NCAM2: variants seen among roughly 807,000 people sequenced by gnomAD.
The protein encoded by NCAM2 is N-CAM-2.
NCAM2 carries 30 observed loss-of-function variants against 98.1 expected under a neutral mutation model. The ratio of observed to expected loss-of-function variants is 0.31; its 90% CI spans 0.23 to 0.41. NCAM2 has a LOEUF of 0.41. Ranked by LOEUF, NCAM2 falls within the 10% of genes least tolerant of loss-of-function variation. NCAM2 has a pLI of 1.00. For synonymous variants in NCAM2, 368 were observed against 342.4 expected (o/e 1.07, Z -0.83); for missense variants, 867 against 1,005.8 (o/e 0.86, Z 1.87).
intron 8 of NCAM2, among the ~76,000 whole-genome samples, chr21:21,367,267 T>C (rs2075810828): frequency 6.6e-6 from 1 of 151,996 alleles, no homozygotes; most frequent in African/African-American, 2.4e-5. Flanking sequence ...GGGGTACAAC[T>C]AAAGTTTTGT....
rs1990058478 is a variant in NCAM2 at position 21,537,743 on chromosome 21, A to G, written c.2403-103A>G. The G allele has an allele frequency of 1.5e-5, 8 of 518,356 alleles. No homozygotes were observed. The East Asian group carries it at 2.5e-4, about 16-fold the overall frequency. The allele number at this position is 518,356 out of a possible 1,614,324, so 32.1% of individuals were successfully genotyped here. A position where few individuals can be genotyped will look rare whatever the true frequency, so the allele number is the denominator to read the frequency against. ...TATTTAGCATATATAAAATGTTAGC[A>G]TATTATTGGAGCATATTTTCCTTAC... On this transcript the variant is annotated intron_variant, in intron 17 of 17. Transcript: ENST00000400546.
At chr21:21,383,453 A>T (rs1453295343) in intron 9 of NCAM2, among the ~76,000 whole-genome samples, 1 of 152,182 alleles carries the variant, frequency 6.6e-6, no homozygotes, top group Non-Finnish European at 1.5e-5. Flanking sequence ...AGTTACCACG[A>T]TCACTTTGAA....
intron 12 of NCAM2, among the ~76,000 whole-genome samples, chr21:21,455,938 A>G (rs1982077228): frequency 6.6e-6 from 1 of 152,022 alleles, no homozygotes; most frequent in Non-Finnish European, 1.5e-5. Context: ...GACAAATTTT[A>G]AATATTATTA....
chr21:21,403,570 A>C (rs1053408348), intron 9 of NCAM2, among the ~76,000 whole-genome samples: 1 of 152,196 alleles, frequency 6.6e-6, no homozygotes, highest in Admixed American at 6.5e-5. Flanking sequence ...AGCATCTGCT[A>C]AATGGCTTAC....
intron 12 of NCAM2, among the ~76,000 whole-genome samples, chr21:21,446,266 T>A (rs1009194249): frequency 1.2e-4 from 18 of 152,080 alleles, no homozygotes; most frequent in African/African-American, 3.4e-4. Flanking sequence ...ACATTTTTTT[T>A]AATTTTATTT....
chr21:21,474,580 T>C, intron 14 of NCAM2, among the ~76,000 whole-genome samples: 1 of 152,028 alleles, frequency 6.6e-6, no homozygotes, highest in Admixed American at 6.6e-5. Flanking sequence ...TTCACTCAGA[T>C]ACATAACAAA....
At chr21:21,304,505 A>T (rs543748084) in intron 5 of NCAM2, among the ~76,000 whole-genome samples, 3 of 152,096 alleles carry the variant, frequency 2.0e-5, no homozygotes, top group African/African-American at 7.2e-5. Context: ...AGCCGTTATG[A>T]TAAGTTAGAA....
intron 9 of NCAM2, among the ~76,000 whole-genome samples, chr21:21,384,963 C>T (rs2076233874): frequency 6.6e-6 from 1 of 151,930 alleles, no homozygotes; most frequent in Admixed American, 6.6e-5. Context: ...AGCCTGTCCT[C>T]TCTTTTAGTT....
intron 8 of NCAM2, among the ~76,000 whole-genome samples, chr21:21,352,203 T>A (rs537984323): frequency 4.6e-5 from 7 of 152,204 alleles, no homozygotes; most frequent in Non-Finnish European, 8.8e-5. Flanking sequence ...GTAGCAGGAC[T>A]ACAGGCACAT....
chr21:21,476,266 A>C (rs1197547276), intron 14 of NCAM2, among the ~76,000 whole-genome samples: 1 of 152,120 alleles, frequency 6.6e-6, no homozygotes, highest in African/African-American at 2.4e-5. Context: ...TATTAGATAC[A>C]TGATTTCAGA....
At chr21:21,465,494 C>T (rs1602421230) in intron 12 of NCAM2, among the ~76,000 whole-genome samples, 2 of 151,468 alleles carry the variant, frequency 1.3e-5, no homozygotes, top group East Asian at 3.9e-4. Flanking sequence ...GGAAGTATCA[C>T]AACAAATTCA....
chr21:21,017,045 A>G (rs984971138), intron 1 of NCAM2, among the ~76,000 whole-genome samples: 2 of 152,226 alleles, frequency 1.3e-5, no homozygotes, highest in African/African-American at 2.4e-5. Flanking sequence ...ATTCTTTTCA[A>G]GAGTATGTAG....
intron 12 of NCAM2, among the ~76,000 whole-genome samples, chr21:21,457,635 T>C (rs1220618085): frequency 6.0e-5 from 9 of 149,762 alleles, no homozygotes; most frequent in South Asian, 2.1e-4. Flanking sequence ...GCAAGACTCC[T>C]TCTCAAGAAA....
At chr21:21,211,648 GCA>G (rs1441872961) in intron 1 of NCAM2, among the ~76,000 whole-genome samples, 1 of 152,070 alleles carries the variant, frequency 6.6e-6, no homozygotes, top group Non-Finnish European at 1.5e-5. Flanking sequence ...GAAAAACAGG[GCA>G]CACGTTTTCC....
At chr21:21,315,446 G>A (rs1197179808) in intron 5 of NCAM2, among the ~76,000 whole-genome samples, 1 of 152,074 alleles carries the variant, frequency 6.6e-6, no homozygotes, top group Non-Finnish European at 1.5e-5. Flanking sequence ...ATCTCTCTCT[G>A]CCCCAACTAT....
At chr21:21,381,715 C>G (rs1430529376) in intron 9 of NCAM2, among the ~76,000 whole-genome samples, 4 of 152,118 alleles carry the variant, frequency 2.6e-5, no homozygotes, top group Non-Finnish European at 5.9e-5. Context: ...AAAATCCCAT[C>G]AGGAATTAAG....
intron 15 of NCAM2, among the ~76,000 whole-genome samples, chr21:21,483,914 T>G (rs972822960): frequency 6.6e-6 from 1 of 152,152 alleles, no homozygotes; most frequent in Non-Finnish European, 1.5e-5. Context: ...AATATGCAAT[T>G]TTCACTTATA....
At chr21:21,131,676 T>C (rs1160947339) in intron 1 of NCAM2, among the ~76,000 whole-genome samples, 1 of 152,196 alleles carries the variant, frequency 6.6e-6, no homozygotes, top group African/African-American at 2.4e-5. Context: ...AAAATATACG[T>C]CAATTACTAC....
In NCAM2 at chr21:21,394,469, C is replaced by CTTTTTTTTT. The variant is rs532068473; in HGVS notation, c.1196-15776_1196-15768dup. 1.2e-3 allele frequency among the ~76,000 whole-genome samples: 70 copies of CTTTTTTTTT among 57,670 alleles called. 14 individuals are homozygous for CTTTTTTTTT. Among genetic ancestry groups the CTTTTTTTTT allele is most frequent in the Non-Finnish European group, 1.4e-3 (47 of 33,700 alleles). The allele number at this position is 57,670 out of a possible 152,430, so 37.8% of individuals were successfully genotyped here. ...GACCTTAGTTAATTTAAGGGGCCAG[C>CTTTTTTTTT]TTTTTTTTTTTTTTTTTTTTTTTTT... On this transcript the variant is annotated intron_variant, in intron 9 of 17. Transcript: ENST00000400546.
Sources: allele counts gnomAD v4.1 joint callset (sites outside exome capture counted in the v4.1 genomes callset), GRCh38; gene constraint gnomAD v4.1.1; transcripts MANE v1.5; gene names NCBI Gene and HGNC (gene_info 2026-07-23, HGNC 2026-07-21).